The following APOBEC3G variants were observed in gnomAD, a reference collection of about 807,000 sequenced individuals.
APOBEC3G encodes the protein apolipoprotein B mRNA editing enzyme catalytic subunit 3G.
In APOBEC3G, 44 loss-of-function variants were observed where a neutral mutation model predicts 50.0. The observed-to-expected ratio is 0.88, with a 90% CI of 0.69 to 1.13. The LOEUF (loss-of-function observed/expected upper bound fraction) is 1.13. Among genes scored for constraint, APOBEC3G ranks in the 50% most tolerant of loss-of-function variants. APOBEC3G has a pLI of 0.00. For missense variants in APOBEC3G, 469 were observed against 492.0 expected (o/e 0.95, Z 0.44); for synonymous variants, 156 against 175.3 (o/e 0.89, Z 0.87).
chr22:39,084,087 G>A (rs1276042884), intron 5 of APOBEC3G, among the ~76,000 whole-genome samples: 6 of 152,062 alleles, frequency 3.9e-5, no homozygotes, highest in Admixed American at 6.6e-5. Flanking sequence ...AGCCCCACAC[G>A]CCTAACCAGC....
intron 7 of APOBEC3G, 137 bp from the exon 8 acceptor site, chr22:39,087,270 C>T: frequency 1.3e-6 from 2 of 1,597,306 alleles, no homozygotes; most frequent in Non-Finnish European, 1.7e-6. Context: ...CCCTTTCCTT[C>T]TCACAGCCTC....
rs1347192684 is a variant in APOBEC3G, at chr22:39,085,801, C to T, written c.736-478C>T. ...ACTGGGGAGGCTGAGACACCAGAAT[C>T]GCTTGAACCCGGGAGGTGGAGGTTG... is the stretch of plus-strand genomic sequence containing the variant. On this transcript the variant is annotated intron_variant, in intron 5 of 7. Coordinates refer to ENST00000407997, the MANE Select transcript of APOBEC3G (RefSeq NM_021822.4). Among the ~76,000 whole-genome samples the T allele has an allele frequency of 2.6e-5, 4 of 151,856 alleles. No individual in the cohort carries two copies. In the East Asian group the frequency reaches 5.9e-4, roughly 22 times the overall value.
chr22:39,081,496 C>T lies in APOBEC3G; in HGVS notation c.492C>T (p.Phe164=), dbSNP rs143077923. 6 of 1,613,974 alleles carry T rather than the reference C, an allele frequency of 3.7e-6. No individual in the cohort carries two copies. Among genetic ancestry groups the T allele is most frequent in the South Asian group, 3.3e-5 (3 of 91,074 alleles). Residue 164 remains phenylalanine (F), a synonymous_variant, in exon 4 of 8, where the codon TTC becomes TTT. Coordinates refer to ENST00000407997, the MANE Select transcript of APOBEC3G (RefSeq NM_021822.4). ...AATTTCAGCACTGTTGGAGCAAGTT[C>T]GTGTACAGCCAAAGAGAGCTATTTG... is the stretch of plus-strand genomic sequence containing the variant. ...YDEFQHCWSK[F]VYSQRELFEP...
At position 39,086,426 on chromosome 22, in the gene APOBEC3G, A is replaced by G; in HGVS notation, c.883A>G (p.Met295Val). Residue 295 changes from methionine (M) to valine (V), a missense_variant, in exon 6 of 8, where the codon ATG (methionine) becomes GTG (valine). Physicochemically the swap from Met to Val is conservative, Grantham distance 21 (BLOSUM62 1). Transcript: ENST00000407997. ...CCCCTGCTTCAGCTGTGCCCAGGAA[A>G]TGGCTAAATTCATTTCAAAAAACAA... ...WSPCFSCAQE[M>V]AKFISKNKHV... The G allele has an allele frequency of 6.2e-7, 1 of 1,614,184 alleles. No individual in the cohort carries two copies. Among genetic ancestry groups the G allele is most frequent in the Middle Eastern group, 1.6e-4 (1 of 6,062 alleles).
intron 6 of APOBEC3G, 48 bp downstream of exon 6, chr22:39,086,615 G>C: frequency 6.5e-7 from 1 of 1,540,380 alleles, no homozygotes; most frequent in Non-Finnish European, 8.8e-7. Flanking sequence ...GGGCAGGAGA[G>C]GGCCCCGGGA....
rs755500030 is a variant in APOBEC3G at position 39,081,557 on chromosome 22, C to T, written c.553C>T (p.Leu185=). The change falls in exon 4 of 8, where the codon CTG becomes TTG. Residue 185 remains leucine, a synonymous_variant. Coordinates refer to ENST00000407997, the MANE Select transcript of APOBEC3G (RefSeq NM_021822.4). The part of the protein sequence containing the change: ...WNNLPKYYIL[L]HIMLGEILRH... The stretch of plus-strand genomic sequence containing the variant: ...TAATCTGCCTAAATATTATATATTA[C>T]TGCACATCATGCTGGGGGAGATTCT... 1 of 1,614,024 alleles carries T rather than the reference C, an allele frequency of 6.2e-7. No individual in the cohort carries two copies. Among genetic ancestry groups the T allele is most frequent in the Non-Finnish European group, 8.5e-7 (1 of 1,179,892 alleles).
intron 1 of APOBEC3G, 130 bp downstream of exon 1, chr22:39,077,508 G>T: frequency 6.7e-7 from 1 of 1,481,596 alleles, no homozygotes. Flanking sequence ...TGACTCCCCT[G>T]CACCCCCTAC....
chr22:39,087,300 A>G (rs1419073603), intron 7 of APOBEC3G, 107 bp from the exon 8 acceptor site: 1 of 1,597,258 alleles, frequency 6.3e-7, no homozygotes, highest in Non-Finnish European at 8.6e-7. Context: ...CCCACCTCCC[A>G]CATCCCTCCC....
chr22:39,081,408 G>C, intron 3 of APOBEC3G, 63 bp from the exon 4 acceptor site: 1 of 1,555,914 alleles, frequency 6.4e-7, no homozygotes, highest in Non-Finnish European at 8.8e-7. Context: ...GGGAGGGGAG[G>C]GTCCCGAGGT....
At chr22:39,081,391 T>A in intron 3 of APOBEC3G, 80 bp from the exon 4 acceptor site, 8 of 1,535,560 alleles carry the variant, frequency 5.2e-6, no homozygotes, top group Non-Finnish European at 7.1e-6. Context: ...GTATCTAGAA[T>A]ATGTCTGGGA....
At chr22:39,079,143 A>T in intron 2 of APOBEC3G, 58 bp downstream of exon 2, 1 of 1,585,278 alleles carries the variant, frequency 6.3e-7, no homozygotes, top group Admixed American at 1.8e-5. Flanking sequence ...GGGAAAGCAA[A>T]CCACGCACTG....
rs545427599 is a variant in APOBEC3G, at chr22:39,079,257, C to T, written c.171+172C>T. On this transcript the variant is annotated intron_variant, in intron 2 of 7. Coordinates refer to ENST00000407997, the MANE Select transcript of APOBEC3G (RefSeq NM_021822.4). ...CTGCTGGACCGTCCTGGGATCGGAT[C>T]GTGGAGGGGGTTTGCCTCTGCACAA... The T allele has an allele frequency of 2.3e-5, 21 of 925,636 alleles. 1 individual carries two copies. Among genetic ancestry groups the T allele is most frequent in the Middle Eastern group, 2.7e-4 (1 of 3,640 alleles). The allele number at this position is 925,636 out of a possible 1,614,324, so 57.3% of individuals were successfully genotyped here.
chr22:39,081,787 C>G (rs1255758121), intron 4 of APOBEC3G: 1 of 540,648 alleles, frequency 1.8e-6, no homozygotes, highest in African/African-American at 1.9e-5. Flanking sequence ...CACCTGCTTT[C>G]CTGGGCCCTT....
intron 5 of APOBEC3G, among the ~76,000 whole-genome samples, 164 bp downstream of exon 5, chr22:39,084,048 T>C (rs906153986): frequency 6.6e-6 from 1 of 152,046 alleles, no homozygotes; most frequent in African/African-American, 2.4e-5. Context: ...GACTTCGGCT[T>C]CAGTGACTCT....
chr22:39,082,616 T>A (rs1172771097), intron 4 of APOBEC3G: 1 of 152,248 alleles, frequency 6.6e-6, no homozygotes, highest in Non-Finnish European at 1.5e-5. Context: ...AAAGCGAAAC[T>A]TCTTCTCAAA....
intron 1 of APOBEC3G, among the ~76,000 whole-genome samples, chr22:39,077,626 G>A (rs548251392): frequency 4.0e-5 from 6 of 151,820 alleles, no homozygotes; most frequent in Non-Finnish European, 8.8e-5. Flanking sequence ...ACTCTCCCCT[G>A]AAAGTCATGG....
In APOBEC3G at chr22:39,078,931, G is replaced by T; in HGVS notation, c.18-1G>T. 1 of 1,613,656 alleles carries T rather than the reference G, an allele frequency of 6.2e-7. No homozygotes were observed. Among genetic ancestry groups the T allele is most frequent in the Non-Finnish European group, 8.5e-7 (1 of 1,179,726 alleles). On this transcript the variant is annotated splice_acceptor_variant, in intron 1 of 7. Transcript: ENST00000407997. LOFTEE classifies it high-confidence loss of function. ...GGCTGGTTTCTCTCTTGTGTCTTCAGAAACACAGTGGAGCGAATGTATCGA... is the reference window on the plus strand; with the variant it reads ...GGCTGGTTTCTCTCTTGTGTCTTCATAAACACAGTGGAGCGAATGTATCGA...
chr22:39,084,858 C>T (rs960440879), intron 5 of APOBEC3G, among the ~76,000 whole-genome samples: 1 of 152,248 alleles, frequency 6.6e-6, no homozygotes, highest in Non-Finnish European at 1.5e-5. Flanking sequence ...ACGTTCTTCC[C>T]TCGCCCTTGC....
rs112654185 is a variant in APOBEC3G at position 39,080,140 on chromosome 22, AC to A, written c.172-785del. 504 of 413,526 alleles carry A rather than the reference AC, an allele frequency of 1.2e-3. 1 individual carries two copies. Among genetic ancestry groups the A allele is most frequent in the South Asian group, 3.3e-3 (34 of 10,340 alleles). The allele number at this position is 413,526 out of a possible 1,614,324, so 25.6% of individuals were successfully genotyped here. A position where few individuals can be genotyped will look rare whatever the true frequency, so the allele number is the denominator to read the frequency against. Reference sequence around the variant, plus strand: ...TACTCAGTAGTCCCTTGGCCATGTCACCCCCCCCGACATGGACAGTGCAGGT... The same window carrying A: ...TACTCAGTAGTCCCTTGGCCATGTCACCCCCCCGACATGGACAGTGCAGGT... On this transcript the variant is annotated intron_variant, in intron 2 of 7. Transcript: ENST00000407997.
Sources: allele counts gnomAD v4.1 joint callset (sites outside exome capture counted in the v4.1 genomes callset), GRCh38; gene constraint gnomAD v4.1.1; transcripts MANE v1.5; gene names NCBI Gene and HGNC (gene_info 2026-07-23, HGNC 2026-07-21).